Variants in UBR1 observed in about 807,000 individuals in gnomAD.
UBR1 encodes the protein ubiquitin protein ligase E3 component n-recognin 1, also known as E3 ubiquitin-protein ligase UBR1.
In UBR1, 102 loss-of-function variants were observed where a neutral mutation model predicts 242.1. The ratio of observed to expected loss-of-function variants is 0.42; its 90% confidence interval spans 0.36 to 0.50. The LOEUF (loss-of-function observed/expected upper bound fraction) is 0.50. Ranked by LOEUF, UBR1 falls within the 20% of genes least tolerant of loss-of-function variation. The probability of loss-of-function intolerance (pLI) is 0.01; values close to 1 mark genes in which losing one functional copy is unlikely to be tolerated. For synonymous variants in UBR1, 675 were observed against 684.8 expected (o/e 0.99, Z 0.22); for missense variants, 1,772 against 2,101.8 (o/e 0.84, Z 3.07).
chr15:43,080,891 C>G (rs2033966991), intron 3 of UBR1, among the ~76,000 whole-genome samples: 1 of 151,940 alleles, frequency 6.6e-6, no homozygotes, highest in South Asian at 2.1e-4. Context: ...GTGGAGGTTA[C>G]AGTGAACCAA....
chr15:42,958,186 A>C, intron 43 of UBR1, 96 bp from the exon 44 acceptor site: 4 of 781,524 alleles, frequency 5.1e-6, no homozygotes, highest in Non-Finnish European at 6.4e-6. Flanking sequence ...AAAATAACAA[A>C]AGGATCTACA....
At chr15:42,976,666 T>G in intron 39 of UBR1, 51 bp downstream of exon 39, 1 of 1,601,150 alleles carries the variant, frequency 6.2e-7, no homozygotes, top group Non-Finnish European at 8.6e-7. Flanking sequence ...ATTTTGCCAG[T>G]AAAGCATGGC....
intron 1 of UBR1, among the ~76,000 whole-genome samples, chr15:43,094,654 G>C (rs915860038): frequency 3.9e-5 from 6 of 152,094 alleles, no homozygotes; most frequent in Admixed American, 2.0e-4. Flanking sequence ...TCACATGTAA[G>C]AGACCTAGTC....
chr15:43,055,276 C>T (rs2033602907), intron 11 of UBR1, among the ~76,000 whole-genome samples: 1 of 152,120 alleles, frequency 6.6e-6, no homozygotes, highest in Non-Finnish European at 1.5e-5. Context: ...AAAACCCCAT[C>T]TCCACAAAAA....
chr15:43,000,982 T>TA (rs2032715211), intron 32 of UBR1, among the ~76,000 whole-genome samples: 1 of 151,882 alleles, frequency 6.6e-6, no homozygotes, highest in African/African-American at 2.4e-5. Flanking sequence ...TACACGCATG[T>TA]GCCACCATGC....
chr15:42,958,171 T>TC (rs1462166573), intron 43 of UBR1, 81 bp from the exon 44 acceptor site: 8 of 975,332 alleles, frequency 8.2e-6, no homozygotes, highest in Admixed American at 5.5e-5. Context: ...TAGAAGAATG[T>TC]CTTAAAAATA....
At chr15:43,077,613 C>T (rs1384278637) in intron 3 of UBR1, among the ~76,000 whole-genome samples, 33 of 148,482 alleles carry the variant, frequency 2.2e-4, no homozygotes, top group African/African-American at 7.5e-5. Flanking sequence ...CTGCCAAATC[C>T]CCCTCTGGGA....
intron 6 of UBR1, among the ~76,000 whole-genome samples, chr15:43,060,801 T>A (rs1284146587): frequency 6.6e-6 from 1 of 152,164 alleles, no homozygotes. Flanking sequence ...GATTCAGAGA[T>A]CCATGACAAG....
Position 43,056,340 on chromosome 15 carries a change from A to C in UBR1, c.1281+4T>G. On this transcript the variant is annotated splice_donor_region_variant and intron_variant, in intron 11 of 46. Transcript: ENST00000290650. ...AAGACTGAAAAGGAATAATCAATAC[A>C]TACCAGAGTAGGAACAGTAAACATC... 6.3e-7 allele frequency: 1 copy of C among 1,598,684 alleles called. No individual in the cohort carries two copies. The highest frequency in any genetic ancestry group is 8.6e-7 in the Non-Finnish European group (1 of 1,166,022).
chr15:43,089,089 G>C (rs1002589676), intron 1 of UBR1, among the ~76,000 whole-genome samples: 4 of 151,826 alleles, frequency 2.6e-5, no homozygotes, highest in Non-Finnish European at 5.9e-5. Flanking sequence ...TTGAACCCGA[G>C]AGGCAGAAGT....
chr15:43,052,203 G>A (rs1308869958), intron 12 of UBR1, among the ~76,000 whole-genome samples: 1 of 152,116 alleles, frequency 6.6e-6, no homozygotes, highest in Non-Finnish European at 1.5e-5. Context: ...AGTAGAGAAG[G>A]ACAATGATTT....
intron 2 of UBR1, 46 bp downstream of exon 2, chr15:43,085,938 A>T (rs937720479): frequency 1.3e-6 from 2 of 1,519,222 alleles, no homozygotes; most frequent in Admixed American, 3.9e-5. Context: ...AAAAAAAAAA[A>T]GGATTTTAAT....
At chr15:42,964,751 C>T (rs144470641) in intron 41 of UBR1, among the ~76,000 whole-genome samples, 8 of 152,304 alleles carry the variant, frequency 5.3e-5, no homozygotes, top group South Asian at 2.1e-4. Context: ...CTACGTCAAA[C>T]GAAGCCTTGA....
At chr15:42,968,024 A>C (rs549068572) in intron 40 of UBR1, among the ~76,000 whole-genome samples, 98 of 152,014 alleles carry the variant, frequency 6.4e-4, no homozygotes, top group African/African-American at 2.3e-3. Flanking sequence ...ATGCATGTTA[A>C]AATACAAATG....
chr15:43,104,065 T>C (rs180949328), intron 1 of UBR1, among the ~76,000 whole-genome samples: 12 of 152,302 alleles, frequency 7.9e-5, no homozygotes, highest in African/African-American at 2.4e-4. Context: ...TTAAAATTAT[T>C]TGGGCCCTTA....
At chr15:43,043,488 C>T in intron 14 of UBR1, 93 bp from the exon 15 acceptor site, 3 of 1,225,130 alleles carry the variant, frequency 2.4e-6, no homozygotes, top group Non-Finnish European at 3.5e-6. Context: ...GTGGCCTAGG[C>T]TGGAGTACAG....
In UBR1 at chr15:43,017,809, C is replaced by CA. The variant is rs879790661; in HGVS notation, c.2941-629dup. Among the ~76,000 whole-genome samples the CA allele has an allele frequency of 2.9e-3, 316 of 110,662 alleles. 1 individual carries two copies. The highest frequency in any genetic ancestry group is 0.012 in the East Asian group (49 of 3,934). The allele number at this position is 110,662 out of a possible 152,430, so 72.6% of individuals were successfully genotyped here. On this transcript the variant is annotated intron_variant, in intron 27 of 46. Transcript: ENST00000290650. ...TGGGTGACAGAGCGAGACCCTGTCT[C>CA]AAAAAAAAAAAAAAGATACAAAATG...
rs775714699 is a variant in UBR1, at chr15:43,002,679, A to C, written c.3535T>G (p.Ser1179Ala). 1.9e-6 allele frequency: 3 copies of C among 1,614,158 alleles called. No individual in the cohort carries two copies. In the Admixed American group the frequency reaches 5.0e-5, roughly 27 times the overall value. The change falls in exon 32 of 47, where the codon TCT (serine) becomes GCT (alanine). Residue 1179 changes from serine (S) to alanine (A), a missense_variant. Around this residue, in one of 3 missense-constraint regions of UBR1, gnomAD observed 965 missense variants for 1,079.7 expected, o/e 0.89. Coordinates refer to ENST00000290650, the MANE Select transcript of UBR1 (RefSeq NM_174916.3). ...AGGTCAACATGAATGCGCTGCTGAG[A>C]GCTCAGCTGTACAGCTTCAAAATAC... ...QKYFEAVQLS[S>A]QQRIHVDLFD...
chr15:43,095,785 G>A (rs1219656271), intron 1 of UBR1, among the ~76,000 whole-genome samples: 1 of 152,174 alleles, frequency 6.6e-6, no homozygotes, highest in Non-Finnish European at 1.5e-5. Context: ...TACAGAAATG[G>A]ATAAAGTGGC....
Sources: gnomAD v4.1 joint callset for allele counts (sites outside exome capture counted in the v4.1 genomes callset) on GRCh38, gnomAD v4.1.1 for gene constraint, gnomAD v4.1.1 regional missense constraint, MANE v1.5 for transcripts, NCBI Gene and HGNC (gene_info 2026-07-23, HGNC 2026-07-21) for gene names.